TMIGD3: variants seen among roughly 807,000 people sequenced by gnomAD.
TMIGD3 encodes the protein AD026 protein (AD026).
TMIGD3 carries 21 observed loss-of-function variants against 28.1 expected under a neutral mutation model. That is an observed-to-expected ratio of 0.75 (90% CI 0.53 to 1.08). TMIGD3 has a LOEUF of 1.08. Ranked by LOEUF, TMIGD3 falls within the 50% of genes least tolerant of loss-of-function variation. The probability of loss-of-function intolerance (pLI) is 0.00; values close to 1 mark genes in which losing one functional copy is unlikely to be tolerated. For synonymous variants in TMIGD3, 151 were observed against 162.1 expected, an observed-to-expected ratio of 0.93 and a Z score of 0.52; for missense variants, 416 against 435.6, an observed-to-expected ratio of 0.96 and a Z score of 0.40.
chr1:111,529,535 C>A lies in TMIGD3; in HGVS notation c.107+34311G>T, dbSNP rs1236931798. Among the ~76,000 whole-genome samples the A allele has an allele frequency of 6.7e-5, 10 of 149,320 alleles. 2 individuals are homozygous for A. The highest frequency in any genetic ancestry group is 2.5e-4 in the African/African-American group (10 of 40,432). ...CTGCGGCCTTCCGCAGTGTTTGTGTCCCTGGGTACTTGAGATTAGGGAGTG... is the reference window on the plus strand; with the variant it reads ...CTGCGGCCTTCCGCAGTGTTTGTGTACCTGGGTACTTGAGATTAGGGAGTG... On this transcript the variant is annotated intron_variant, in intron 1 of 5. Transcript: ENST00000369717.
intron 1 of TMIGD3, among the ~76,000 whole-genome samples, chr1:111,538,288 A>G (rs1656707846): frequency 6.6e-6 from 1 of 152,196 alleles, no homozygotes. Flanking sequence ...CTTGCTCTCA[A>G]GTTGACCATA....
intron 1 of TMIGD3, among the ~76,000 whole-genome samples, chr1:111,561,411 C>A (rs966203550): frequency 6.6e-6 from 1 of 152,182 alleles, no homozygotes; most frequent in Non-Finnish European, 1.5e-5. Context: ...CGTGAGCCAC[C>A]GTGCCCAGCT....
chr1:111,505,925 C>T (rs1655470195), upstream of TMIGD3, among the ~76,000 whole-genome samples: 2 of 152,154 alleles, frequency 1.3e-5, no homozygotes, highest in Admixed American at 6.5e-5. Context: ...CACCTGGGTC[C>T]GCACAGACAC....
intron 1 of TMIGD3, among the ~76,000 whole-genome samples, chr1:111,515,238 T>C (rs1220888840): frequency 6.6e-6 from 1 of 152,224 alleles, no homozygotes; most frequent in Non-Finnish European, 1.5e-5. Context: ...AATGATTTTC[T>C]GAGCATCACA....
intron 1 of TMIGD3, among the ~76,000 whole-genome samples, chr1:111,513,953 G>A (rs1655774594): frequency 6.6e-6 from 1 of 152,210 alleles, no homozygotes; most frequent in African/African-American, 2.4e-5. Context: ...GGTGGGAGGG[G>A]CTGTGGGAAG....
At chr1:111,544,015 A>G (rs576355727) in intron 1 of TMIGD3, among the ~76,000 whole-genome samples, 63 of 152,334 alleles carry the variant, frequency 4.1e-4, no homozygotes, top group Non-Finnish European at 1.3e-4. Flanking sequence ...CTAGGCATCT[A>G]TTGGAAGTCA....
At chr1:111,514,783 G>A (rs1655805821) in intron 1 of TMIGD3, among the ~76,000 whole-genome samples, 1 of 151,984 alleles carries the variant, frequency 6.6e-6, no homozygotes, top group Non-Finnish European at 1.5e-5. Context: ...ACACTCCAGG[G>A]CTCTCTCCGG....
chr1:111,531,515 A>G (rs921196830), intron 1 of TMIGD3, among the ~76,000 whole-genome samples: 1 of 152,186 alleles, frequency 6.6e-6, no homozygotes, highest in Non-Finnish European at 1.5e-5. Flanking sequence ...CACATAAAAT[A>G]CATAACTACT....
chr1:111,550,774 C>T (rs894148863), intron 1 of TMIGD3, among the ~76,000 whole-genome samples: 4 of 152,208 alleles, frequency 2.6e-5, no homozygotes, highest in Non-Finnish European at 5.9e-5. Flanking sequence ...GGATTACAGG[C>T]ACATGCCACC....
intron 1 of TMIGD3, 96 bp from the exon 2 acceptor site, chr1:111,490,858 T>C (rs2275798): frequency 0.083 from 68,203 of 823,364 alleles, 4,276 homozygotes; most frequent in East Asian, 0.25. Flanking sequence ...GTCCAAGCAG[T>C]GCTGCCATGT....
intron 3 of TMIGD3, 40 bp downstream of exon 3, chr1:111,488,637 T>C: frequency 6.4e-7 from 1 of 1,555,194 alleles, no homozygotes; most frequent in Non-Finnish European, 8.8e-7. Flanking sequence ...CACCCATGGC[T>C]GTGGGTTACA....
intron 1 of TMIGD3, among the ~76,000 whole-genome samples, chr1:111,515,698 G>T (rs949853746): frequency 6.6e-6 from 1 of 152,202 alleles, no homozygotes; most frequent in African/African-American, 2.4e-5. Context: ...CTGTGGCCCC[G>T]ACAACCCCCC....
chr1:111,504,383 C>T (rs1283221461), upstream of TMIGD3, among the ~76,000 whole-genome samples: 2 of 152,158 alleles, frequency 1.3e-5, no homozygotes. Context: ...GCCCACATTC[C>T]CCAAGCCTCA....
chr1:111,503,159 T>C lies in TMIGD3; in HGVS notation c.196A>G (p.Met66Val). Reference sequence around the variant, plus strand: ...AGGCTGACAACAATGGCCAAAGGCATGACCAGCACCCCAACAGCAATGTCA... The same window carrying C: ...AGGCTGACAACAATGGCCAAAGGCACGACCAGCACCCCAACAGCAATGTCA... ...LADIAVGVLV[M>V]PLAIVVSLGI... Residue 66 changes from methionine to valine, a missense_variant, in exon 1 of 6, where the codon ATG (methionine) becomes GTG (valine). Physicochemically the swap from Met to Val is conservative, Grantham distance 21. Coordinates refer to ENST00000369716, the MANE Select transcript of TMIGD3 (RefSeq NM_020683.7). The C allele has an allele frequency of 6.2e-7, 1 of 1,614,248 alleles. No individual in the cohort carries two copies. The highest frequency in any genetic ancestry group is 8.5e-7 in the Non-Finnish European group (1 of 1,180,036).
chr1:111,485,684 C>T (rs1388530488), intron 5 of TMIGD3, 56 bp downstream of exon 5: 4 of 1,332,064 alleles, frequency 3.0e-6, no homozygotes, highest in Middle Eastern at 1.9e-4. Context: ...TGCTCCTTGA[C>T]CTCTTTCATT....
intron 4 of TMIGD3, among the ~76,000 whole-genome samples, 184 bp downstream of exon 4, chr1:111,486,402 A>ATTT (rs11311759): frequency 2.1e-5 from 3 of 142,538 alleles, no homozygotes; most frequent in South Asian, 2.3e-4. Context: ...CCTAAACTGT[A>ATTT]TTTTTTTTTT....
chr1:111,552,002 C>T (rs1231085446), intron 1 of TMIGD3, among the ~76,000 whole-genome samples: 1 of 152,172 alleles, frequency 6.6e-6, no homozygotes, highest in Non-Finnish European at 1.5e-5. Flanking sequence ...AGTCCTTATT[C>T]GCCAAAGCAT....
chr1:111,502,049 A>ATAATAAATATATAGGATATATATAT (rs1553201026), intron 1 of TMIGD3, among the ~76,000 whole-genome samples: 2 of 92,124 alleles, frequency 2.2e-5, no homozygotes, highest in Non-Finnish European at 4.5e-5. Flanking sequence ...TATATATTTA[A>ATAATAAATATATAGGATATATATAT]TATAATAAAT....
chr1:111,489,619 C>T, intron 2 of TMIGD3: 1 of 1,137,180 alleles, frequency 8.8e-7, no homozygotes, highest in Non-Finnish European at 1.1e-6. Context: ...AATATGGAGG[C>T]CTCCTACCAT....
Sources: gnomAD v4.1 joint callset for allele counts (sites outside exome capture counted in the v4.1 genomes callset) on GRCh38, gnomAD v4.1.1 for gene constraint, MANE v1.5 for transcripts, NCBI Gene and HGNC (gene_info 2026-07-23, HGNC 2026-07-21) for gene names.